The following SNX29 variants were observed in gnomAD, a reference collection of about 807,000 sequenced individuals.
The protein encoded by SNX29 is sorting nexin 29.
A neutral mutation model predicts 102.1 loss-of-function variants in SNX29; 78 were observed. The ratio of observed to expected loss-of-function variants is 0.76; its 90% CI spans 0.64 to 0.92. SNX29 has a LOEUF of 0.92. Ranked by LOEUF, SNX29 falls within the 40% of genes least tolerant of loss-of-function variation. The pLI, the probability that SNX29 is intolerant of heterozygous loss-of-function variation, is 0.00. For missense variants in SNX29, 1,280 were observed against 1,061.7 expected (o/e 1.21, Z -2.86); for synonymous variants, 580 against 414.5 (o/e 1.40, Z -4.85).
chr16:12,006,450 A>G (rs181563786), intron 3 of SNX29, among the ~76,000 whole-genome samples: 19 of 142,660 alleles, frequency 1.3e-4, no homozygotes, highest in Admixed American at 6.6e-4. Flanking sequence ...CAGGAGGCGG[A>G]GGTTTTGGTG....
intron 11 of SNX29, among the ~76,000 whole-genome samples, chr16:12,106,545 C>A (rs576314775): frequency 6.6e-6 from 1 of 152,138 alleles, no homozygotes; most frequent in African/African-American, 2.4e-5. Flanking sequence ...ATGATGATAC[C>A]TTATGGCAGC....
At chr16:12,221,160 T>C (rs558854333) in intron 14 of SNX29, among the ~76,000 whole-genome samples, 1 of 152,086 alleles carries the variant, frequency 6.6e-6, no homozygotes, top group East Asian at 1.9e-4. Flanking sequence ...GAGGCACACG[T>C]AGTAATCTCT....
Position 12,078,938 on chromosome 16 carries a change from C to T in SNX29, c.1402+23C>T, listed in dbSNP as rs370420755. The stretch of plus-strand genomic sequence containing the variant: ...TTAGTAAGTACTTTCGCAGCCCCCT[C>T]CACCAGCTCTGGGATGACTTCTGGC... On this transcript the variant is annotated intron_variant, in intron 11 of 20. Transcript: ENST00000566228. The T allele has an allele frequency of 9.3e-5, 147 of 1,574,026 alleles. No individual in the cohort carries two copies. In the African/African-American group the frequency reaches 1.7e-3, roughly 19 times the overall value.
intron 20 of SNX29, among the ~76,000 whole-genome samples, chr16:12,539,990 G>A (rs966708543): frequency 6.6e-6 from 1 of 152,150 alleles, no homozygotes; most frequent in African/African-American, 2.4e-5. Flanking sequence ...CTAGTCTTCA[G>A]CTTCTTTTCA....
At position 12,052,424 on chromosome 16, in the gene SNX29, C is replaced by T. The variant is rs1393030699; in HGVS notation, c.1124+202C>T. 3.4e-5 allele frequency: 17 copies of T among 495,764 alleles called. No individual in the cohort carries two copies. The Admixed American group carries it at 5.7e-4, about 17-fold the overall frequency. The allele number at this position is 495,764 out of a possible 1,614,324, so 30.7% of individuals were successfully genotyped here. A position where few individuals can be genotyped will look rare whatever the true frequency, so the allele number is the denominator to read the frequency against. On this transcript the variant is annotated intron_variant, in intron 8 of 20. Coordinates refer to ENST00000566228, the MANE Select transcript of SNX29 (RefSeq NM_032167.5). ...TAGAGATGGGGTTTCACCATATTGG[C>T]CAGGCTGGTCTCAAACTCCTGACCT...
At chr16:12,537,530 A>C (rs867832561) in intron 20 of SNX29, among the ~76,000 whole-genome samples, 20 of 152,340 alleles carry the variant, frequency 1.3e-4, no homozygotes, top group South Asian at 4.1e-4. Flanking sequence ...ATTAAAGGAA[A>C]TATTACCTAC....
At chr16:12,162,850 A>G (rs549835047) in intron 13 of SNX29, among the ~76,000 whole-genome samples, 31 of 152,080 alleles carry the variant, frequency 2.0e-4, no homozygotes, top group African/African-American at 7.0e-4. Context: ...AGGGCCGGCA[A>G]GCACGTGTTT....
At chr16:12,281,690 T>C (rs1269326277) in intron 15 of SNX29, among the ~76,000 whole-genome samples, 1 of 152,156 alleles carries the variant, frequency 6.6e-6, no homozygotes, top group Non-Finnish European at 1.5e-5. Context: ...AGAAGAGTTC[T>C]TTGAGGAGGA....
intron 15 of SNX29, among the ~76,000 whole-genome samples, chr16:12,325,906 G>T (rs185977165): frequency 6.6e-6 from 1 of 152,032 alleles, no homozygotes; most frequent in African/African-American, 2.4e-5. Context: ...GCATGTACCC[G>T]TAGTTTCGAC....
chr16:12,284,399 G>C (rs994167872), intron 15 of SNX29, among the ~76,000 whole-genome samples: 2 of 152,216 alleles, frequency 1.3e-5, no homozygotes, highest in Admixed American at 1.3e-4. Context: ...GTAGACAGGA[G>C]GTGTCTCTGT....
chr16:12,416,909 A>G (rs939197692), intron 18 of SNX29, among the ~76,000 whole-genome samples: 1 of 152,172 alleles, frequency 6.6e-6, no homozygotes, highest in South Asian at 2.1e-4. Context: ...TGACATTGCA[A>G]CATGATTTGG....
chr16:12,340,404 C>T (rs1233215341), intron 15 of SNX29, among the ~76,000 whole-genome samples: 2 of 152,204 alleles, frequency 1.3e-5, no homozygotes, highest in East Asian at 3.8e-4. Context: ...GATGTAAGCT[C>T]AGAGGAGGAA....
chr16:11,985,165 T>C (rs976114423), intron 1 of SNX29, among the ~76,000 whole-genome samples: 1 of 152,174 alleles, frequency 6.6e-6, no homozygotes, highest in South Asian at 2.1e-4. Context: ...GTGGTTGCAC[T>C]AGTTTCAATG....
chr16:12,239,062 C>G (rs1167182913), intron 14 of SNX29, among the ~76,000 whole-genome samples: 2 of 152,170 alleles, frequency 1.3e-5, no homozygotes, highest in African/African-American at 4.8e-5. Context: ...ATCTCACTGG[C>G]CAGAACTTAG....
At chr16:12,441,906 A>C (rs1385652303) in intron 18 of SNX29, among the ~76,000 whole-genome samples, 1 of 152,232 alleles carries the variant, frequency 6.6e-6, no homozygotes, top group Admixed American at 6.5e-5. Context: ...CTCCTGTCTC[A>C]GCCTCCCAAG....
intron 20 of SNX29, among the ~76,000 whole-genome samples, chr16:12,554,315 T>G (rs1279008427): frequency 6.6e-6 from 1 of 152,204 alleles, no homozygotes; most frequent in Non-Finnish European, 1.5e-5. Flanking sequence ...CAGTTTTAAC[T>G]AAAATGGGAC....
chr16:12,061,520 C>A lies in SNX29; in HGVS notation c.1125-8C>A. 6.3e-7 allele frequency: 1 copy of A among 1,585,460 alleles called. No homozygotes were observed. The highest frequency in any genetic ancestry group is 8.6e-7 in the Non-Finnish European group (1 of 1,167,128). ...GGCCTGTCCTGCAGCTGTATTCTTT[C>A]ACCTTAGGCCACTGGAAGGGAACAC... On this transcript the variant is annotated splice_polypyrimidine_tract_variant and splice_region_variant and intron_variant, in intron 8 of 20. Transcript: ENST00000566228.
intron 11 of SNX29, among the ~76,000 whole-genome samples, chr16:12,090,860 C>A (rs955072678): frequency 1.3e-5 from 2 of 151,558 alleles, no homozygotes; most frequent in African/African-American, 4.8e-5. Flanking sequence ...ACTAAAAATA[C>A]AAAAATTAGC....
At chr16:12,211,950 T>G (rs563631658) in intron 14 of SNX29, among the ~76,000 whole-genome samples, 2 of 152,236 alleles carry the variant, frequency 1.3e-5, no homozygotes, top group South Asian at 4.2e-4. Context: ...CATTGACACA[T>G]GAAGTTAATC....
Sources: gnomAD v4.1 joint callset for allele counts (sites outside exome capture counted in the v4.1 genomes callset) on GRCh38, gnomAD v4.1.1 for gene constraint, MANE v1.5 for transcripts, NCBI Gene and HGNC (gene_info 2026-07-23, HGNC 2026-07-21) for gene names.